Variants in MLLT6 observed in about 807,000 individuals in gnomAD.
MLLT6 encodes MLLT6, PHD finger containing.
A neutral mutation model predicts 103.0 loss-of-function variants in MLLT6; 22 were observed. That is an observed-to-expected ratio of 0.21 (90% CI 0.15 to 0.31). The LOEUF (loss-of-function observed/expected upper bound fraction) is 0.31, where lower values mean the gene tolerates loss of function less well. Among genes scored for constraint, MLLT6 ranks in the 10% least tolerant of loss-of-function variants. The pLI, the probability that MLLT6 is intolerant of heterozygous loss-of-function variation, is 1.00. For synonymous variants in MLLT6, 606 were observed against 623.5 expected, an observed-to-expected ratio of 0.97 and a Z score of 0.42; for missense variants, 1,199 against 1,441.7, an observed-to-expected ratio of 0.83 and a Z score of 2.73.
Position 38,724,554 on chromosome 17 carries a change from G to T in MLLT6, c.2884-66G>T, listed in dbSNP as rs758829512. The stretch of plus-strand genomic sequence containing the variant: ...ATGGGGTGGGGCCTGGCCAGGCAGG[G>T]CAGGCAGGCAGCAGGGAAGAGACCC... On this transcript the variant is annotated intron_variant, in intron 18 of 19. Transcript: ENST00000621332. The surrounding 1 kb of genome is among the most constrained non-coding windows in gnomAD (Gnocchi z 5.4). The T allele has an allele frequency of 3.9e-6, 5 of 1,274,726 alleles. No individual in the cohort carries two copies. Among genetic ancestry groups the T allele is most frequent in the East Asian group, 2.4e-5 (1 of 41,236 alleles). The allele number at this position is 1,274,726 out of a possible 1,614,324, so 79.0% of individuals were successfully genotyped here.
At chr17:38,721,074 C>T in intron 16 of MLLT6, 1 of 438,268 alleles carries the variant, frequency 2.3e-6, no homozygotes, top group South Asian at 2.6e-5. Context: ...GGGAGGGCTG[C>T]TTCTGTGGAT....
At chr17:38,725,396 G>A (rs968532107) in intron 19 of MLLT6, 161 bp from the exon 20 acceptor site, 39 of 645,632 alleles carry the variant, frequency 6.0e-5, no homozygotes, top group Middle Eastern at 5.0e-4. Flanking sequence ...ACACCCCTGC[G>A]CATCGGCCCT....
In MLLT6 at chr17:38,721,875, C is replaced by A; in HGVS notation, c.2443-3C>A. On this transcript the variant is annotated splice_polypyrimidine_tract_variant and splice_region_variant and intron_variant, in intron 16 of 19. Coordinates refer to ENST00000621332, the MANE Select transcript of MLLT6 (RefSeq NM_005937.4). The stretch of plus-strand genomic sequence containing the variant: ...GACCCCTCCCTTCCCCCTCCCTCCC[C>A]AGGACCCACACTCAGGCTGCCCGAG... 1 of 1,572,590 alleles carries A rather than the reference C, an allele frequency of 6.4e-7. No homozygotes were observed. Among genetic ancestry groups the A allele is most frequent in the East Asian group, 2.4e-5 (1 of 41,410 alleles).
intron 1 of MLLT6, among the ~76,000 whole-genome samples, chr17:38,706,471 T>C (rs996119497): frequency 6.6e-6 from 1 of 152,080 alleles, no homozygotes; most frequent in Non-Finnish European, 1.5e-5. Context: ...GCCCTCAGCC[T>C]TGACTTTTAA....
In MLLT6 at chr17:38,721,920, T is replaced by TC; in HGVS notation, c.2487dup (p.Phe830LeufsTer53). On this transcript the variant is annotated frameshift_variant, in exon 17 of 20. Transcript: ENST00000621332. LOFTEE classifies it high-confidence loss of function. Reference sequence around the variant, plus strand: ...CCCGAGCCGCAGCAGCTCGTCGCTGTCCTTCCACAGCACGCCCCCACCGCT... The same window carrying TC: ...CCCGAGCCGCAGCAGCTCGTCGCTGTCCCTTCCACAGCACGCCCCCACCGCT... The TC allele has an allele frequency of 6.4e-7, 1 of 1,570,656 alleles. No individual in the cohort carries two copies. The highest frequency in any genetic ancestry group is 8.6e-7 in the Non-Finnish European group (1 of 1,166,342).
rs140032851 is a variant in MLLT6 at position 38,713,514 on chromosome 17, C to G, written c.819+725C>G. The stretch of plus-strand genomic sequence containing the variant: ...CACCATTATTGCCCATTCACCTCCA[C>G]CCCATCTCAGACGGTTGGCAGAGTT... On this transcript the variant is annotated intron_variant, in intron 8 of 19. Transcript: ENST00000621332. The G allele has an allele frequency of 6.3e-3, 1,021 of 162,348 alleles. 4 individuals carry two copies. Among genetic ancestry groups the G allele is most frequent in the Non-Finnish European group, 0.01 (779 of 75,110 alleles). 10.1% of individuals were successfully genotyped at this position (162,348 alleles called of 1,614,324 possible). A position where few individuals can be genotyped will look rare whatever the true frequency, so the allele number is the denominator to read the frequency against.
chr17:38,728,557 T>A lies in MLLT6; in HGVS notation c.*2959T>A. On this transcript the variant is annotated 3_prime_UTR_variant, in exon 20 of 20. Coordinates refer to ENST00000621332, the MANE Select transcript of MLLT6 (RefSeq NM_005937.4). ...TGAGTGGGGGTGCATATAGAGGCAG[T>A]GCCTGCTGTGGGGTCACAACTGGTG... 2 of 233,538 alleles carry A rather than the reference T, an allele frequency of 8.6e-6. No individual in the cohort carries two copies. The highest frequency in any genetic ancestry group is 1.7e-5 in the Non-Finnish European group (2 of 118,152). The allele number at this position is 233,538 out of a possible 1,614,324, so 14.5% of individuals were successfully genotyped here. A position where few individuals can be genotyped will look rare whatever the true frequency, so the allele number is the denominator to read the frequency against.
chr17:38,728,254 G>A lies in MLLT6; in HGVS notation c.*2656G>A. ...AGCTTCAATGGGAAAGGTCTCGAAAGCTTCAGGAGGAGCAGAATACCAACG... is the reference window on the plus strand; with the variant it reads ...AGCTTCAATGGGAAAGGTCTCGAAAACTTCAGGAGGAGCAGAATACCAACG... On this transcript the variant is annotated 3_prime_UTR_variant, in exon 20 of 20. Coordinates refer to ENST00000621332, the MANE Select transcript of MLLT6 (RefSeq NM_005937.4). The A allele has an allele frequency of 4.3e-6, 1 of 233,342 alleles. No homozygotes were observed. The highest frequency in any genetic ancestry group is 8.5e-6 in the Non-Finnish European group (1 of 118,090). 14.5% of individuals were successfully genotyped at this position (233,342 alleles called of 1,614,324 possible).
At position 38,709,102 on chromosome 17, in the gene MLLT6, G is replaced by C. The variant is rs1029150101; in HGVS notation, c.355-71G>C. The C allele has an allele frequency of 6.3e-5, 69 of 1,091,998 alleles. No homozygotes were observed. The highest frequency in any genetic ancestry group is 4.0e-5 in the Admixed American group (2 of 49,840). 67.6% of individuals were successfully genotyped at this position (1,091,998 alleles called of 1,614,324 possible). ...ACTGTAGAGAGCAAATGGAATGGAG[G>C]GGGTGGCCTAAGGACCATCAGTAGA... On this transcript the variant is annotated intron_variant, in intron 4 of 19. Coordinates refer to ENST00000621332, the MANE Select transcript of MLLT6 (RefSeq NM_005937.4). The surrounding 1 kb of genome is among the most constrained non-coding windows in gnomAD (Gnocchi z 4.3).
chr17:38,728,470 G>GT lies in MLLT6; in HGVS notation c.*2873dup, dbSNP rs2143724106. ...AGAGCTTCGTGTGTTCCCACCCTCA[G>GT]TGAGGAGGTGTGAGTGGGTGAGCAT... On this transcript the variant is annotated 3_prime_UTR_variant, in exon 20 of 20. Transcript: ENST00000621332. 1 of 233,466 alleles carries GT rather than the reference G, an allele frequency of 4.3e-6. No homozygotes were observed. The highest frequency in any genetic ancestry group is 2.2e-5 in the African/African-American group (1 of 45,472). The allele number at this position is 233,466 out of a possible 1,614,324, so 14.5% of individuals were successfully genotyped here.
intron 14 of MLLT6, 88 bp from the exon 15 acceptor site, chr17:38,720,284 A>C: frequency 7.8e-7 from 1 of 1,288,934 alleles, no homozygotes; most frequent in East Asian, 2.5e-5. Flanking sequence ...AGGGCTGAGC[A>C]CTGGCTCCCC....
chr17:38,713,125 A>G, intron 8 of MLLT6: 1 of 711,720 alleles, frequency 1.4e-6, no homozygotes, highest in Non-Finnish European at 2.6e-6. Context: ...CCCTGTCCCC[A>G]GAGATCGGTA....
chr17:38,720,202 G>C, intron 14 of MLLT6, 170 bp from the exon 15 acceptor site: 2 of 731,430 alleles, frequency 2.7e-6, no homozygotes, highest in East Asian at 2.7e-5. Context: ...CTTCACACCT[G>C]TGGCTCCCCA....
At position 38,726,384 on chromosome 17, in the gene MLLT6, T is replaced by C; in HGVS notation, c.*786T>C. 1 of 234,632 alleles carries C rather than the reference T, an allele frequency of 4.3e-6. No homozygotes were observed. Among genetic ancestry groups the C allele is most frequent in the Non-Finnish European group, 8.4e-6 (1 of 119,000 alleles). The allele number at this position is 234,632 out of a possible 1,614,324, so 14.5% of individuals were successfully genotyped here. A position where few individuals can be genotyped will look rare whatever the true frequency, so the allele number is the denominator to read the frequency against. On this transcript the variant is annotated 3_prime_UTR_variant, in exon 20 of 20. Transcript: ENST00000621332. Reference sequence around the variant, plus strand: ...GTGTGTGCGTGCATGTGTGTGTGTGTGTGTGTGTGTGTGTGTGTCTGTCTG... The same window carrying C: ...GTGTGTGCGTGCATGTGTGTGTGTGCGTGTGTGTGTGTGTGTGTCTGTCTG...
intron 6 of MLLT6, among the ~76,000 whole-genome samples, chr17:38,711,257 G>A (rs969397139): frequency 6.6e-6 from 1 of 152,148 alleles, no homozygotes; most frequent in East Asian, 1.9e-4. Context: ...AGGAGACGCA[G>A]CATGTGGGTT....
At position 38,705,388 on chromosome 17, in the gene MLLT6, G is replaced by C. The variant is rs1371241520; in HGVS notation, c.-245G>C. On this transcript the variant is annotated 5_prime_UTR_variant, in exon 1 of 20. Coordinates refer to ENST00000621332, the MANE Select transcript of MLLT6 (RefSeq NM_005937.4). Reference sequence around the variant, plus strand: ...GCGTGCGAGTCTCATTGTTGTGGGGGGGGCCCGTCGGGGCATGAGGGCGAG... The same window carrying C: ...GCGTGCGAGTCTCATTGTTGTGGGGCGGGCCCGTCGGGGCATGAGGGCGAG... Among the ~76,000 whole-genome samples the C allele has an allele frequency of 6.6e-6, 1 of 150,522 alleles. No individual in the cohort carries two copies. Among genetic ancestry groups the C allele is most frequent in the Admixed American group, 6.6e-5 (1 of 15,170 alleles).
intron 7 of MLLT6, among the ~76,000 whole-genome samples, chr17:38,712,461 A>C (rs1410740622): frequency 6.6e-6 from 1 of 152,164 alleles, no homozygotes; most frequent in Non-Finnish European, 1.5e-5. Flanking sequence ...CTGGCGTGAT[A>C]ATGGGACAGG....
At chr17:38,715,470 C>A in intron 8 of MLLT6, 142 bp from the exon 9 acceptor site, 2 of 1,389,626 alleles carry the variant, frequency 1.4e-6, no homozygotes, top group Non-Finnish European at 1.9e-6. Context: ...CCTGGCCACT[C>A]CCTGCCCGGA....
rs1039581785 is a variant in MLLT6, at chr17:38,728,046, C to G, written c.*2448C>G. The G allele has an allele frequency of 4.3e-6, 1 of 233,192 alleles. No individual in the cohort carries two copies. The highest frequency in any genetic ancestry group is 2.2e-5 in the African/African-American group (1 of 45,344). 14.4% of individuals were successfully genotyped at this position (233,192 alleles called of 1,614,324 possible). A position where few individuals can be genotyped will look rare whatever the true frequency, so the allele number is the denominator to read the frequency against. On this transcript the variant is annotated 3_prime_UTR_variant, in exon 20 of 20. Coordinates refer to ENST00000621332, the MANE Select transcript of MLLT6 (RefSeq NM_005937.4). ...TCAGCCCAAACCAAAGGCTGGGGTT[C>G]TCATCTCCAAGTGGCTGTTCTCCAA...
Sources: allele counts gnomAD v4.1 joint callset (sites outside exome capture counted in the v4.1 genomes callset), GRCh38; gene constraint gnomAD v4.1.1; non-coding constraint Gnocchi (gnomAD v3.1); transcripts MANE v1.5; gene names NCBI Gene and HGNC (gene_info 2026-07-23, HGNC 2026-07-21).